Variants in SNAPC3 observed in about 807,000 individuals in gnomAD.
SNAPC3 encodes the protein snRNA-activating protein complex subunit 3.
SNAPC3 carries 56 observed loss-of-function variants against 47.7 expected under a neutral mutation model. The ratio of observed to expected loss-of-function variants is 1.18; its 90% CI spans 0.95 to 1.47. The LOEUF (loss-of-function observed/expected upper bound fraction) is 1.47. Ranked by LOEUF, SNAPC3 falls within the 40% of genes most tolerant of loss-of-function variation. The pLI, the probability that SNAPC3 is intolerant of heterozygous loss-of-function variation, is 0.00. For missense variants in SNAPC3, 665 were observed against 511.3 expected (o/e 1.30, Z -2.90); for synonymous variants, 235 against 189.9 (o/e 1.24, Z -1.95).
chr9:15,434,990 C>A (rs752189911), intron 3 of SNAPC3, among the ~76,000 whole-genome samples: 5 of 152,116 alleles, frequency 3.3e-5, no homozygotes, highest in Admixed American at 1.3e-4. Context: ...TTCTGAGAAA[C>A]CTGTTTTTCA....
At chr9:15,442,590 C>T (rs906616138) in intron 3 of SNAPC3, among the ~76,000 whole-genome samples, 6 of 150,572 alleles carry the variant, frequency 4.0e-5, no homozygotes, top group East Asian at 2.0e-4. Flanking sequence ...GGGGCAGAGG[C>T]GTTCCCCACA....
chr9:15,452,889 G>T (rs2034497495), intron 6 of SNAPC3, 152 bp from the exon 7 acceptor site: 1 of 565,410 alleles, frequency 1.8e-6, no homozygotes, highest in South Asian at 3.1e-5. Context: ...ATCTCAACAT[G>T]TGTCAAACAT....
At chr9:15,442,443 C>A (rs1030883205) in intron 3 of SNAPC3, among the ~76,000 whole-genome samples, 7 of 150,500 alleles carry the variant, frequency 4.7e-5, no homozygotes, top group Non-Finnish European at 8.9e-5. Flanking sequence ...AGGGCCTCCT[C>A]ACTTCTCAGA....
At chr9:15,440,820 G>T (rs2033268410) in intron 3 of SNAPC3, among the ~76,000 whole-genome samples, 1 of 152,066 alleles carries the variant, frequency 6.6e-6, no homozygotes, top group South Asian at 2.1e-4. Context: ...GCGGTGGCGA[G>T]TGTCTGTAGT....
chr9:15,454,236 AAAAAAAAG>A (rs1279741107), intron 7 of SNAPC3, among the ~76,000 whole-genome samples: 2 of 151,814 alleles, frequency 1.3e-5, no homozygotes, highest in Non-Finnish European at 2.9e-5. Flanking sequence ...TCTCAAAAAA[AAAAAAAAG>A]AAAAAAAGAA....
intron 7 of SNAPC3, among the ~76,000 whole-genome samples, chr9:15,455,324 C>T (rs1017869985): frequency 1.3e-5 from 2 of 151,918 alleles, no homozygotes; most frequent in African/African-American, 4.8e-5. Context: ...CCCAGCACTT[C>T]GGGAGGCCAA....
At chr9:15,429,915 A>G (rs139513497) in intron 2 of SNAPC3, among the ~76,000 whole-genome samples, 5 of 152,306 alleles carry the variant, frequency 3.3e-5, no homozygotes, top group Admixed American at 6.5e-5. Flanking sequence ...TACCAAGTAA[A>G]TGGAAACAAA....
chr9:15,435,021 A>G (rs370615591), intron 3 of SNAPC3, among the ~76,000 whole-genome samples: 112 of 152,286 alleles, frequency 7.4e-4, no homozygotes, highest in African/African-American at 2.3e-3. Flanking sequence ...ACCGTATTAC[A>G]TTCCCATCAG....
chr9:15,425,008 G>T (rs890512991), intron 2 of SNAPC3, among the ~76,000 whole-genome samples: 3 of 152,074 alleles, frequency 2.0e-5, no homozygotes, highest in Admixed American at 1.3e-4. Flanking sequence ...TCATGCTGTC[G>T]CCTGAGCAAG....
intron 5 of SNAPC3, 147 bp downstream of exon 5, chr9:15,447,391 T>G (rs1435863035): frequency 1.4e-6 from 1 of 712,350 alleles, no homozygotes; most frequent in Non-Finnish European, 2.4e-6. Context: ...CTTCCCTTTA[T>G]CACCGGAACT....
At chr9:15,438,972 A>C (rs79276297) in intron 3 of SNAPC3, among the ~76,000 whole-genome samples, 12 of 152,218 alleles carry the variant, frequency 7.9e-5, no homozygotes, top group African/African-American at 2.6e-4. Context: ...AGAACTGTCT[A>C]TTTCTTCAAT....
rs200945273 is a variant in SNAPC3, at chr9:15,453,155, A to G, written c.930A>G (p.Leu310=). The change falls in exon 7 of 9, where the codon TTA becomes TTG. Residue 310 remains leucine, a synonymous_variant. Coordinates refer to ENST00000380821, the MANE Select transcript of SNAPC3 (RefSeq NM_001039697.2). ...GTATTAAACTGGGTTTTCCTTACTT[A>G]TACTGTCATCAGGGAGACTGTGAAC... ...DLCIKLGFPY[L]YCHQGDCEHV... is the part of the protein sequence containing the mutation. 1.2e-6 allele frequency: 2 copies of G among 1,613,410 alleles called. No homozygotes were observed. Among genetic ancestry groups the G allele is most frequent in the Non-Finnish European group, 1.7e-6 (2 of 1,179,378 alleles).
chr9:15,430,371 G>GA (rs1482217425), intron 2 of SNAPC3, among the ~76,000 whole-genome samples: 2 of 152,108 alleles, frequency 1.3e-5, no homozygotes, highest in Non-Finnish European at 2.9e-5. Flanking sequence ...GATTGAGGCT[G>GA]AAGTGAGCCG....
At chr9:15,446,846 G>A (rs2033971243) in intron 4 of SNAPC3, among the ~76,000 whole-genome samples, 1 of 152,130 alleles carries the variant, frequency 6.6e-6, no homozygotes, top group Non-Finnish European at 1.5e-5. Context: ...GAATACCAGG[G>A]GAAATAGTGG....
rs187891056 is a variant in SNAPC3 at position 15,452,475 on chromosome 9, C to G, written c.816-566C>G. ...CTGGGATTACAGGCAGGCACCACCA[C>G]GCCCGGCTGATTTTGTATTTTTAGT... On this transcript the variant is annotated intron_variant, in intron 6 of 8. Transcript: ENST00000380821. Among the ~76,000 whole-genome samples, 200 of 152,248 alleles carry G rather than the reference C, an allele frequency of 1.3e-3. 1 individual carries two copies. Among genetic ancestry groups the G allele is most frequent in the African/African-American group, 4.7e-3 (196 of 41,552 alleles).
chr9:15,423,144 G>A lies in SNAPC3; in HGVS notation c.265G>A (p.Asp89Asn). The change falls in exon 1 of 9, where the codon GAT (aspartate) becomes AAT (asparagine). Residue 89 changes from aspartate to asparagine, a missense_variant. By Grantham distance (23) the Asp-to-Asn change is conservative. Coordinates refer to ENST00000380821, the MANE Select transcript of SNAPC3 (RefSeq NM_001039697.2). ...CCGGGAGGATGCCGCGGTGGCCAGGGATCTGGACTGCAGCCTGGAGGCGGC... is the reference window on the plus strand; with the variant it reads ...CCGGGAGGATGCCGCGGTGGCCAGGAATCTGGACTGCAGCCTGGAGGCGGC... ...SDREDAAVAR[D>N]LDCSLEAAAE... 1.3e-6 allele frequency: 2 copies of A among 1,571,676 alleles called. No individual in the cohort carries two copies. Among genetic ancestry groups the A allele is most frequent in the Non-Finnish European group, 1.7e-6 (2 of 1,168,452 alleles).
intron 3 of SNAPC3, among the ~76,000 whole-genome samples, chr9:15,438,695 T>C (rs566379122): frequency 3.9e-5 from 6 of 152,342 alleles, no homozygotes; most frequent in Non-Finnish European, 8.8e-5. Flanking sequence ...TCTCCTGTTA[T>C]TGATTTCTAA....
intron 7 of SNAPC3, chr9:15,453,717 G>C (rs997240880): frequency 5.9e-5 from 9 of 152,466 alleles, no homozygotes; most frequent in African/African-American, 1.9e-4. Flanking sequence ...ATTTTAGACA[G>C]CTAATAGCTC....
chr9:15,437,161 C>G (rs572962339), intron 3 of SNAPC3, among the ~76,000 whole-genome samples: 24 of 151,716 alleles, frequency 1.6e-4, no homozygotes, highest in African/African-American at 5.3e-4. Context: ...GTATACAACC[C>G]TTTCACTTCC....
Sources: gnomAD v4.1 joint callset for allele counts (sites outside exome capture counted in the v4.1 genomes callset) on GRCh38, gnomAD v4.1.1 for gene constraint, MANE v1.5 for transcripts, NCBI Gene and HGNC (gene_info 2026-07-23, HGNC 2026-07-21) for gene names.